PCDHGB3: variants seen among roughly 807,000 people sequenced by gnomAD.
PCDHGB3 encodes protocadherin gamma subfamily B, 3, also known as protocadherin gamma-B3.
A neutral mutation model predicts 59.2 loss-of-function variants in PCDHGB3; 40 were observed. That is an observed-to-expected ratio of 0.68 (90% CI 0.52 to 0.88). PCDHGB3 has a LOEUF of 0.88. Ranked by LOEUF, PCDHGB3 falls within the 40% of genes least tolerant of loss-of-function variation. The pLI, the probability that PCDHGB3 is intolerant of heterozygous loss-of-function variation, is 0.00. For missense variants in PCDHGB3, 1,309 were observed against 1,187.9 expected (o/e 1.10, Z -1.50); for synonymous variants, 581 against 503.6 (o/e 1.15, Z -2.06).
intron 1 of PCDHGB3, chr5:141,430,688 A>G: frequency 1.4e-6 from 2 of 1,402,360 alleles, no homozygotes; most frequent in Non-Finnish European, 1.9e-6. Context: ...GTCCCATTCT[A>G]TGGGCGAAGG....
intron 1 of PCDHGB3, chr5:141,408,164 A>G (rs2095051548): frequency 6.6e-7 from 1 of 1,520,576 alleles, no homozygotes; most frequent in South Asian, 1.3e-5. Context: ...ACTTTCTCCA[A>G]CTGGAAAAGC....
At chr5:141,502,925 C>T (rs962871271) in intron 2 of PCDHGB3, among the ~76,000 whole-genome samples, 5 of 145,518 alleles carry the variant, frequency 3.4e-5, no homozygotes, top group Non-Finnish European at 5.9e-5. Flanking sequence ...GCAGTGGCAA[C>T]CTTCACCTCC....
chr5:141,395,809 A>T (rs1448942836), intron 1 of PCDHGB3: 1 of 152,108 alleles, frequency 6.6e-6, no homozygotes, highest in Non-Finnish European at 1.5e-5. Flanking sequence ...CCTTCAAAAC[A>T]TGAACAAACT....
Position 141,491,078 on chromosome 5 carries a change from C to G in PCDHGB3, c.2416-3729C>G, listed in dbSNP as rs1386717886. The G allele has an allele frequency of 5.6e-6, 9 of 1,614,194 alleles. No homozygotes were observed. Among genetic ancestry groups the G allele is most frequent in the East Asian group, 4.5e-5 (2 of 44,882 alleles). ...CTCTCCTACTCACTGTTGCCACAGTCCACAGCCCCAGGACTGTTCCTCGTG... is the reference window on the plus strand; with the variant it reads ...CTCTCCTACTCACTGTTGCCACAGTGCACAGCCCCAGGACTGTTCCTCGTG... On this transcript the variant is annotated intron_variant, in intron 1 of 3. Transcript: ENST00000576222. This position sits in a 1 kb window ranked among gnomAD's most constrained non-coding sequence, Gnocchi z 6.9.
chr5:141,389,818 G>A (rs778055680), intron 1 of PCDHGB3: 1 of 1,613,888 alleles, frequency 6.2e-7, no homozygotes, highest in Non-Finnish European at 8.5e-7. Flanking sequence ...GTCGCCGTGC[G>A]TGACGGTGGA....
intron 1 of PCDHGB3, among the ~76,000 whole-genome samples, chr5:141,425,841 C>T (rs936781561): frequency 2.0e-5 from 3 of 152,190 alleles, no homozygotes; most frequent in African/African-American, 7.2e-5. Context: ...ATTCTCTTTG[C>T]TGGGTTAATG....
At chr5:141,381,066 C>T (rs1178029702) in intron 1 of PCDHGB3, among the ~76,000 whole-genome samples, 1 of 152,200 alleles carries the variant, frequency 6.6e-6, no homozygotes, top group Non-Finnish European at 1.5e-5. Context: ...GCAAAGATAA[C>T]TATGGATTAT....
chr5:141,489,073 C>A lies in PCDHGB3; in HGVS notation c.2416-5734C>A, dbSNP rs2099681983. 3.2e-6 allele frequency: 1 copy of A among 315,630 alleles called. No individual in the cohort carries two copies. The highest frequency in any genetic ancestry group is 5.7e-6 in the Non-Finnish European group (1 of 173,976). 19.6% of individuals were successfully genotyped at this position (315,630 alleles called of 1,614,324 possible). A position where few individuals can be genotyped will look rare whatever the true frequency, so the allele number is the denominator to read the frequency against. ...ATTCAGCTCCCCTCCCCCCTGCCCA[C>A]CCCCGCCACTCGGTGACTAAGAACT... On this transcript the variant is annotated intron_variant, in intron 1 of 3. Coordinates refer to ENST00000576222, the MANE Select transcript of PCDHGB3 (RefSeq NM_018924.5). The surrounding 1 kb of genome is among the most constrained non-coding windows in gnomAD (Gnocchi z 4.5).
chr5:141,497,829 C>T (rs754594104), intron 2 of PCDHGB3, among the ~76,000 whole-genome samples: 147 of 152,160 alleles, frequency 9.7e-4, no homozygotes, highest in Non-Finnish European at 1.8e-3. Flanking sequence ...TGTGATCGCC[C>T]CCGGCCACAA....
At chr5:141,419,331 T>G (rs2096361475) in intron 1 of PCDHGB3, 2 of 1,613,840 alleles carry the variant, frequency 1.2e-6, no homozygotes, top group Non-Finnish European at 8.5e-7. Flanking sequence ...TCCTACTCTC[T>G]CATTGCCAGC....
At chr5:141,458,774 A>G (rs2154566349) in intron 1 of PCDHGB3, among the ~76,000 whole-genome samples, 1 of 151,812 alleles carries the variant, frequency 6.6e-6, no homozygotes, top group Admixed American at 6.6e-5. Flanking sequence ...GCTGTGTCAC[A>G]CAGGCTGGAG....
chr5:141,475,162 G>T (rs949339969), intron 1 of PCDHGB3, among the ~76,000 whole-genome samples: 2 of 152,034 alleles, frequency 1.3e-5, no homozygotes, highest in South Asian at 4.1e-4. Flanking sequence ...TTCTTCATTA[G>T]CAGTGCAACT....
chr5:141,488,186 G>T (rs1005725656), intron 1 of PCDHGB3, among the ~76,000 whole-genome samples: 2 of 152,180 alleles, frequency 1.3e-5, no homozygotes, highest in South Asian at 2.1e-4. Context: ...AGATCTTTTG[G>T]TCTGGGTCTT....
At chr5:141,488,472 T>C (rs1183465817) in intron 1 of PCDHGB3, among the ~76,000 whole-genome samples, 1 of 152,096 alleles carries the variant, frequency 6.6e-6, no homozygotes, top group East Asian at 1.9e-4. Context: ...CCAGAAATGT[T>C]CCCCTACCCA....
chr5:141,416,031 C>G (rs1301059596), intron 1 of PCDHGB3: 1 of 207,362 alleles, frequency 4.8e-6, no homozygotes, highest in Non-Finnish European at 9.4e-6. Context: ...AGAAAGAAAT[C>G]ACCTCTGGAA....
At chr5:141,428,204 C>T (rs756271858) in intron 1 of PCDHGB3, 23 of 1,324,604 alleles carry the variant, frequency 1.7e-5, no homozygotes, top group Admixed American at 5.5e-5. Flanking sequence ...TGCGCCGCTA[C>T]GCTTCACCTA....
At chr5:141,460,411 T>TG (rs2098988114) in intron 1 of PCDHGB3, among the ~76,000 whole-genome samples, 1 of 152,212 alleles carries the variant, frequency 6.6e-6, no homozygotes, top group Non-Finnish European at 1.5e-5. Context: ...TTTGAGTTGA[T>TG]GTTTATGTAT....
chr5:141,494,759 C>A (rs776923097), intron 1 of PCDHGB3, 48 bp from the exon 2 acceptor site: 3 of 1,613,886 alleles, frequency 1.9e-6, no homozygotes, highest in Non-Finnish European at 2.5e-6. Context: ...GGGTGACATT[C>A]TAACTTCTCA....
intron 1 of PCDHGB3, chr5:141,385,590 CT>C: frequency 8.0e-7 from 1 of 1,252,846 alleles, no homozygotes; most frequent in Non-Finnish European, 1.0e-6. Flanking sequence ...ATGTTCCAAC[CT>C]ACTTTCTTAA....
Sources: allele counts gnomAD v4.1 joint callset (sites outside exome capture counted in the v4.1 genomes callset), GRCh38; gene constraint gnomAD v4.1.1; non-coding constraint Gnocchi (gnomAD v3.1); transcripts MANE v1.5; gene names NCBI Gene and HGNC (gene_info 2026-07-23, HGNC 2026-07-21).